ZNF583: variants seen among roughly 807,000 people sequenced by gnomAD.
ZNF583 encodes zinc finger protein L3-5.
Under a neutral mutation model 55.3 loss-of-function variants are expected in ZNF583, and 30 were observed. The ratio of observed to expected loss-of-function variants is 0.54; its 90% CI spans 0.41 to 0.74. The LOEUF is 0.74. ZNF583 is among the 30% of genes least tolerant of loss of function. The pLI is 0.00. For synonymous variants in ZNF583, 208 were observed against 220.0 expected, an observed-to-expected ratio of 0.95 and a Z score of 0.48; for missense variants, 504 against 664.7, an observed-to-expected ratio of 0.76 and a Z score of 2.66.
At chr19:56,411,827 T>C (rs1038478341) in intron 2 of ZNF583, among the ~76,000 whole-genome samples, 2 of 152,260 alleles carry the variant, frequency 1.3e-5, no homozygotes, top group Admixed American at 1.3e-4. Context: ...TTTTGCTTCC[T>C]TTATAGATAA....
intron 2 of ZNF583, 113 bp downstream of exon 2, chr19:56,407,236 G>C: frequency 1.7e-6 from 2 of 1,206,216 alleles, no homozygotes; most frequent in South Asian, 2.6e-5. Context: ...CATTCATCCA[G>C]TGACTCGTTC....
At chr19:56,417,084 C>T (rs575292840) in intron 4 of ZNF583, among the ~76,000 whole-genome samples, 2 of 152,250 alleles carry the variant, frequency 1.3e-5, no homozygotes, top group African/African-American at 4.8e-5. Context: ...TTTCATTTAT[C>T]CATTCACCTG....
intron 4 of ZNF583, among the ~76,000 whole-genome samples, chr19:56,417,861 G>T (rs2042352492): frequency 6.6e-6 from 1 of 151,978 alleles, no homozygotes; most frequent in Non-Finnish European, 1.5e-5. Flanking sequence ...TTTCCATATG[G>T]ATATACAGTT....
At chr19:56,414,319 A>G (rs767280323) in intron 3 of ZNF583, 26 bp from the exon 4 acceptor site, 1 of 1,609,738 alleles carries the variant, frequency 6.2e-7, no homozygotes, top group East Asian at 2.2e-5. Flanking sequence ...GACCTGCCTA[A>G]TTCCCCTTTT....
intron 4 of ZNF583, among the ~76,000 whole-genome samples, chr19:56,417,956 C>T (rs2042354144): frequency 6.6e-6 from 1 of 152,134 alleles, no homozygotes; most frequent in African/African-American, 2.4e-5. Flanking sequence ...CATTACTTGA[C>T]CACATATGTG....
rs1035436459 is a variant in ZNF583, at chr19:56,413,874, A to G, written c.10-85A>G. ...TGCTATGTGCAATATTTTTCTCTAA[A>G]AGTATAGACAATTTAACTTTTTAAC... is the stretch of plus-strand genomic sequence containing the variant. On this transcript the variant is annotated intron_variant, in intron 2 of 4. Transcript: ENST00000333201. 5.1e-6 allele frequency: 8 copies of G among 1,579,156 alleles called. No individual in the cohort carries two copies. In the African/African-American group the frequency reaches 6.8e-5, roughly 13 times the overall value.
chr19:56,424,483 T>G lies in ZNF583; in HGVS notation c.*115T>G. ...AGCTTTCTAATTGGTCTCCTTGTAC[T>G]CACCATTGTCTCTGTCAGATGTCCA... On this transcript the variant is annotated 3_prime_UTR_variant, in exon 5 of 5. Coordinates refer to ENST00000333201, the MANE Select transcript of ZNF583 (RefSeq NM_152478.3). 3.4e-6 allele frequency: 2 copies of G among 586,348 alleles called. No individual in the cohort carries two copies. Among genetic ancestry groups the G allele is most frequent in the South Asian group, 2.3e-5 (1 of 43,876 alleles). The allele number at this position is 586,348 out of a possible 1,614,324, so 36.3% of individuals were successfully genotyped here.
chr19:56,421,299 T>TCAA, intron 4 of ZNF583: 1 of 55,740 alleles, frequency 1.8e-5, no homozygotes, highest in Non-Finnish European at 3.0e-5. Context: ...AATTAGTGTT[T>TCAA]TTACTTCCTT....
rs559907151 is a variant in ZNF583 at position 56,418,581 on chromosome 19, G to T, written c.232+4141G>T. ...TCTAATAGTTTGCCACTAGTAGGCAGAAATGTAAATTGATTTTTATATTAG... is the reference window on the plus strand; with the variant it reads ...TCTAATAGTTTGCCACTAGTAGGCATAAATGTAAATTGATTTTTATATTAG... On this transcript the variant is annotated intron_variant, in intron 4 of 4. Coordinates refer to ENST00000333201, the MANE Select transcript of ZNF583 (RefSeq NM_152478.3). Among the ~76,000 whole-genome samples, 4 of 152,238 alleles carry T rather than the reference G, an allele frequency of 2.6e-5. No homozygotes were observed. In the South Asian group the frequency reaches 8.3e-4, roughly 32 times the overall value.
chr19:56,422,416 T>A (rs1465135912), intron 4 of ZNF583, among the ~76,000 whole-genome samples: 1 of 152,166 alleles, frequency 6.6e-6, no homozygotes, highest in Non-Finnish European at 1.5e-5. Context: ...CTACAGATGT[T>A]TACCCATAGA....
intron 4 of ZNF583, among the ~76,000 whole-genome samples, chr19:56,417,655 T>C (rs1367498894): frequency 6.6e-6 from 1 of 152,200 alleles, no homozygotes; most frequent in Non-Finnish European, 1.5e-5. Context: ...GAGGCAAAGT[T>C]TGCAGTTTTT....
chr19:56,410,641 G>T (rs1019970017), intron 2 of ZNF583, among the ~76,000 whole-genome samples: 2 of 152,168 alleles, frequency 1.3e-5, no homozygotes, highest in Admixed American at 6.5e-5. Flanking sequence ...GGTGGAGGTT[G>T]CTGTGAGCCA....
chr19:56,424,516 A>C lies in ZNF583; in HGVS notation c.*148A>C, dbSNP rs1341056119. On this transcript the variant is annotated 3_prime_UTR_variant, in exon 5 of 5. Coordinates refer to ENST00000333201, the MANE Select transcript of ZNF583 (RefSeq NM_152478.3). ...GTCTCTGTCAGATGTCCACATTGCA[A>C]CCAAATTTGTATTTTTAAAAATATG... 1.9e-6 allele frequency: 1 copy of C among 530,686 alleles called. No homozygotes were observed. The highest frequency in any genetic ancestry group is 3.0e-5 in the South Asian group (1 of 33,102). 32.9% of individuals were successfully genotyped at this position (530,686 alleles called of 1,614,324 possible). A position where few individuals can be genotyped will look rare whatever the true frequency, so the allele number is the denominator to read the frequency against.
At chr19:56,404,205 A>G (rs2042107155), upstream of ZNF583, 1 of 152,550 alleles carries the variant, frequency 6.6e-6, no homozygotes, top group South Asian at 2.1e-4. The surrounding 1 kb of genome is among the most constrained non-coding windows in gnomAD (Gnocchi z 5.2). Flanking sequence ...AAAGGGGCGC[A>G]GCAGTAACTA....
chr19:56,404,529 G>C lies in ZNF583; in HGVS notation c.-90+77G>C, dbSNP rs1385628217. ...TGGGACCGTGTGTGACAGTGTGTGA[G>C]AATGTGTGAGACATTAAGGAACCGT... On this transcript the variant is annotated intron_variant, in intron 1 of 4. Coordinates refer to ENST00000333201, the MANE Select transcript of ZNF583 (RefSeq NM_152478.3). The surrounding 1 kb of genome is among the most constrained non-coding windows in gnomAD (Gnocchi z 5.2). 6.5e-6 allele frequency: 1 copy of C among 152,896 alleles called. No individual in the cohort carries two copies. Among genetic ancestry groups the C allele is most frequent in the Non-Finnish European group, 1.5e-5 (1 of 68,450 alleles). The allele number at this position is 152,896 out of a possible 1,614,324, so 9.5% of individuals were successfully genotyped here. A position where few individuals can be genotyped will look rare whatever the true frequency, so the allele number is the denominator to read the frequency against.
intron 2 of ZNF583, 118 bp from the exon 3 acceptor site, chr19:56,413,841 G>T (rs2042274979): frequency 7.1e-7 from 1 of 1,417,712 alleles, no homozygotes; most frequent in Non-Finnish European, 9.6e-7. Flanking sequence ...GATACTGTCA[G>T]AAAGTTTTGC....
rs115808766 is a variant in ZNF583 at position 56,421,429 on chromosome 19, A to G, written c.233-1462A>G. 9.9e-4 allele frequency: 975 copies of G among 983,894 alleles called. 8 individuals are homozygous for G. The African/African-American group carries it at 0.016, about 16-fold the overall frequency. The allele number at this position is 983,894 out of a possible 1,614,324, so 60.9% of individuals were successfully genotyped here. On this transcript the variant is annotated intron_variant, in intron 4 of 4. Coordinates refer to ENST00000333201, the MANE Select transcript of ZNF583 (RefSeq NM_152478.3). The stretch of plus-strand genomic sequence containing the variant: ...TTTAATTTTCATGTTGACTTTTTAT[A>G]GGGCATTCATGGGTGTGATTTGCAA...
Position 56,407,063 on chromosome 19 carries a change from G to A in ZNF583, c.-52G>A, listed in dbSNP as rs187522163. 3.6e-3 allele frequency: 5,835 copies of A among 1,608,642 alleles called. 26 individuals are homozygous for A. The highest frequency in any genetic ancestry group is 5.6e-3 in the Middle Eastern group (34 of 6,030). ...AGGATACTGTCCCTCTCCCACAGAG[G>A]AGCTGAAGGAGTAGGACAGAAGAAC... is the stretch of plus-strand genomic sequence containing the variant. On this transcript the variant is annotated 5_prime_UTR_variant, in exon 2 of 5. Coordinates refer to ENST00000333201, the MANE Select transcript of ZNF583 (RefSeq NM_152478.3).
In ZNF583 at chr19:56,427,145, A is replaced by G. The variant is rs185823328; in HGVS notation, c.*2777A>G. The G allele has an allele frequency of 1.3e-5, 2 of 152,098 alleles. No individual in the cohort carries two copies. The highest frequency in any genetic ancestry group is 2.4e-5 in the African/African-American group (1 of 41,416). 9.4% of individuals were successfully genotyped at this position (152,098 alleles called of 1,614,324 possible). ...GGCTTATGTACAGGCTGTGGCTTCT[A>G]AGAAGACATGATGAAAAGCCTCTTG... On this transcript the variant is annotated 3_prime_UTR_variant, in exon 5 of 5. Coordinates refer to ENST00000333201, the MANE Select transcript of ZNF583 (RefSeq NM_152478.3).
Sources: gnomAD v4.1 joint callset for allele counts (sites outside exome capture counted in the v4.1 genomes callset) on GRCh38, gnomAD v4.1.1 for gene constraint, Gnocchi (gnomAD v3.1) non-coding constraint, MANE v1.5 for transcripts, NCBI Gene and HGNC (gene_info 2026-07-23, HGNC 2026-07-21) for gene names.